The following ALK variants were observed in gnomAD, a reference collection of about 807,000 sequenced individuals.
ALK encodes ALK tyrosine kinase receptor.
A neutral mutation model predicts 163.1 loss-of-function variants in ALK; 74 were observed. The observed-to-expected ratio is 0.45, with a 90% confidence interval of 0.38 to 0.55. The LOEUF (loss-of-function observed/expected upper bound fraction) is 0.55. Among genes scored for constraint, ALK ranks in the 20% least tolerant of loss-of-function variants. The pLI is 0.00. For synonymous variants in ALK, 960 were observed against 843.2 expected, an observed-to-expected ratio of 1.14 and a Z score of -2.40; for missense variants, 2,063 against 2,105.3, an observed-to-expected ratio of 0.98 and a Z score of 0.39.
chr2:29,612,271 C>T (rs1277952045), intron 3 of ALK, among the ~76,000 whole-genome samples: 1 of 152,170 alleles, frequency 6.6e-6, no homozygotes, highest in Non-Finnish European at 1.5e-5. Flanking sequence ...AAAATTAAGC[C>T]TTTCTAAATA....
chr2:29,747,100 G>A (rs1203774280), intron 1 of ALK, among the ~76,000 whole-genome samples: 1 of 152,096 alleles, frequency 6.6e-6, no homozygotes, highest in East Asian at 1.9e-4. Context: ...AGTGGGGGAG[G>A]TCACTCTATT....
intron 6 of ALK, among the ~76,000 whole-genome samples, chr2:29,326,330 C>T (rs758677032): frequency 6.6e-6 from 1 of 152,192 alleles, no homozygotes; most frequent in Non-Finnish European, 1.5e-5. Context: ...TGCTGTGTGA[C>T]CCTGAACAAG....
At chr2:29,527,558 A>T (rs1329363564) in intron 4 of ALK, among the ~76,000 whole-genome samples, 2 of 152,058 alleles carry the variant, frequency 1.3e-5, no homozygotes, top group Non-Finnish European at 2.9e-5. Context: ...CCCAGGCTGG[A>T]GTGCAGTGGC....
intron 26 of ALK, among the ~76,000 whole-genome samples, chr2:29,200,740 CGTAT>C: frequency 7.6e-6 from 1 of 131,338 alleles, no homozygotes; most frequent in Non-Finnish European, 1.6e-5. Flanking sequence ...TATATATATA[CGTAT>C]ATATATACGT....
At chr2:29,868,894 T>C (rs1558526184) in intron 1 of ALK, among the ~76,000 whole-genome samples, 1 of 152,194 alleles carries the variant, frequency 6.6e-6, no homozygotes, top group Non-Finnish European at 1.5e-5. Context: ...CTGGTTCTCC[T>C]GGCACCCTTA....
chr2:29,415,133 A>G (rs1669839219), intron 4 of ALK, among the ~76,000 whole-genome samples: 1 of 149,108 alleles, frequency 6.7e-6, no homozygotes, highest in Admixed American at 6.8e-5. Flanking sequence ...ACTATAAGTG[A>G]CCATCTAGAA....
At chr2:29,907,010 C>T (rs1286401980) in intron 1 of ALK, 3 of 119,654 alleles carry the variant, frequency 2.5e-5, no homozygotes, top group African/African-American at 6.2e-5. Context: ...AGTGCAGTGG[C>T]GCAATCTCAG....
intron 1 of ALK, among the ~76,000 whole-genome samples, chr2:29,824,906 G>A (rs1335675723): frequency 2.0e-5 from 3 of 152,174 alleles, no homozygotes; most frequent in Non-Finnish European, 4.4e-5. Flanking sequence ...GCCAGAAGTG[G>A]AATGATATGG....
intron 28 of ALK, among the ~76,000 whole-genome samples, chr2:29,196,174 C>G (rs1669019245): frequency 6.6e-6 from 1 of 152,112 alleles, no homozygotes; most frequent in Non-Finnish European, 1.5e-5. Flanking sequence ...ACTCTTCAGG[C>G]CTTAACTCCT....
chr2:29,252,788 C>A (rs538987596), intron 11 of ALK, among the ~76,000 whole-genome samples: 1 of 151,302 alleles, frequency 6.6e-6, no homozygotes, highest in Non-Finnish European at 1.5e-5. Flanking sequence ...TGGAGCCATT[C>A]ACTTTGGGTG....
At chr2:29,855,911 C>T (rs1185124054) in intron 1 of ALK, among the ~76,000 whole-genome samples, 1 of 152,180 alleles carries the variant, frequency 6.6e-6, no homozygotes, top group East Asian at 1.9e-4. Context: ...TCCTAAAGAT[C>T]ACGTTTTGTT....
chr2:29,539,427 A>T (rs1269476771), intron 3 of ALK, among the ~76,000 whole-genome samples: 1 of 152,172 alleles, frequency 6.6e-6, no homozygotes, highest in Non-Finnish European at 1.5e-5. Flanking sequence ...CCACAAAAAT[A>T]ACCAAATTTC....
intron 1 of ALK, among the ~76,000 whole-genome samples, chr2:29,767,545 A>G (rs559549269): frequency 1.2e-4 from 19 of 152,282 alleles, no homozygotes; most frequent in African/African-American, 4.1e-4. Context: ...CATCACAAAC[A>G]TATGTCCTAC....
intron 1 of ALK, among the ~76,000 whole-genome samples, chr2:29,809,242 C>T (rs925478676): frequency 6.6e-6 from 1 of 152,204 alleles, no homozygotes; most frequent in African/African-American, 2.4e-5. Flanking sequence ...TGTTGGGCAC[C>T]TACTATGTGC....
chr2:29,677,728 C>T lies in ALK; in HGVS notation c.952+17122G>A, dbSNP rs139654395. On this transcript the variant is annotated intron_variant, in intron 3 of 28. Coordinates refer to ENST00000389048, the MANE Select transcript of ALK (RefSeq NM_004304.5). ...TGCACCCATCTTTTATGAGGGATAT[C>T]GATCAGGGGTTTTCTTTCCTTGTCA... is the stretch of plus-strand genomic sequence containing the variant. Among the ~76,000 whole-genome samples the T allele has an allele frequency of 7.8e-4, 118 of 152,118 alleles. 1 individual carries two copies. In the East Asian group the frequency reaches 0.022, roughly 29 times the overall value.
chr2:29,484,660 C>T (rs539678123), intron 4 of ALK, among the ~76,000 whole-genome samples: 1 of 152,230 alleles, frequency 6.6e-6, no homozygotes, highest in East Asian at 1.9e-4. Context: ...TTTATATACC[C>T]TCCCTTTAAA....
At chr2:29,723,498 A>G (rs935639775) in intron 1 of ALK, among the ~76,000 whole-genome samples, 2 of 152,188 alleles carry the variant, frequency 1.3e-5, no homozygotes, top group African/African-American at 2.4e-5. Context: ...TACCTCCTGC[A>G]CTAGTCACTG....
intron 1 of ALK, among the ~76,000 whole-genome samples, chr2:29,807,768 G>A (rs1050273329): frequency 3.3e-5 from 5 of 152,232 alleles, no homozygotes; most frequent in African/African-American, 1.2e-4. Context: ...CCACAGTATA[G>A]AATCCATACT....
chr2:29,739,796 T>C (rs926512716), intron 1 of ALK, among the ~76,000 whole-genome samples: 2 of 152,094 alleles, frequency 1.3e-5, no homozygotes, highest in South Asian at 2.1e-4. Flanking sequence ...ACTGTTTCAA[T>C]GTGAGTTCAC....
Sources: gnomAD v4.1 joint callset for allele counts (sites outside exome capture counted in the v4.1 genomes callset) on GRCh38, gnomAD v4.1.1 for gene constraint, MANE v1.5 for transcripts, NCBI Gene and HGNC (gene_info 2026-07-23, HGNC 2026-07-21) for gene names.